GRIN2A: variants seen among roughly 807,000 people sequenced by gnomAD.
The protein encoded by GRIN2A is glutamate ionotropic receptor NMDA type subunit 2A.
In GRIN2A, 22 loss-of-function variants were observed where a neutral mutation model predicts 113.4. The observed-to-expected ratio is 0.19, with a 90% confidence interval of 0.14 to 0.28. The LOEUF (loss-of-function observed/expected upper bound fraction) is 0.28. Among genes scored for constraint, GRIN2A ranks in the 10% least tolerant of loss-of-function variants. The probability of loss-of-function intolerance (pLI) is 1.00; values close to 1 mark genes in which losing one functional copy is unlikely to be tolerated. For synonymous variants in GRIN2A, 827 were observed against 738.4 expected (o/e 1.12, Z -1.94); for missense variants, 1,502 against 1,887.0 (o/e 0.80, Z 3.78).
chr16:9,987,590 A>C (rs917455235), intron 2 of GRIN2A, among the ~76,000 whole-genome samples: 1 of 152,258 alleles, frequency 6.6e-6, no homozygotes, highest in African/African-American at 2.4e-5. Context: ...CCTTAAGCTA[A>C]GGAAATTAAA....
chr16:9,755,871 C>G lies in GRIN2A; in HGVS notation c.*7278G>C, dbSNP rs886052524. 4.9e-6 allele frequency: 1 copy of G among 203,918 alleles called. No individual in the cohort carries two copies. 12.6% of individuals were successfully genotyped at this position (203,918 alleles called of 1,614,324 possible). On this transcript the variant is annotated 3_prime_UTR_variant, in exon 13 of 13. Coordinates refer to ENST00000330684, the MANE Select transcript of GRIN2A (RefSeq NM_001134407.3). ...TTTGGAAAAGAAAAAAAAAAAGGAACAGACCAAGAAGGAAAACAACAACAA... is the reference window on the plus strand; with the variant it reads ...TTTGGAAAAGAAAAAAAAAAAGGAAGAGACCAAGAAGGAAAACAACAACAA...
At chr16:10,087,883 G>A (rs1287258257) in intron 2 of GRIN2A, among the ~76,000 whole-genome samples, 15 of 78,082 alleles carry the variant, frequency 1.9e-4, no homozygotes, top group Admixed American at 8.1e-4. Flanking sequence ...TTGAGACAGG[G>A]TTTCACCACG....
At chr16:9,898,420 T>G (rs929887490) in intron 3 of GRIN2A, among the ~76,000 whole-genome samples, 1 of 152,192 alleles carries the variant, frequency 6.6e-6, no homozygotes, top group African/African-American at 2.4e-5. Flanking sequence ...TTCCTCCAGA[T>G]TTCTATTTTA....
At chr16:9,915,130 G>T (rs1000576897) in intron 3 of GRIN2A, among the ~76,000 whole-genome samples, 87 of 150,850 alleles carry the variant, frequency 5.8e-4, no homozygotes, top group Admixed American at 1.4e-3. Context: ...TAGAGATGGG[G>T]TTTCACCATG....
At chr16:9,804,077 T>A (rs1421161180) in intron 10 of GRIN2A, among the ~76,000 whole-genome samples, 1 of 152,140 alleles carries the variant, frequency 6.6e-6, no homozygotes, top group Non-Finnish European at 1.5e-5. Flanking sequence ...GCCCCTAACA[T>A]AGTCTACTCC....
intron 3 of GRIN2A, among the ~76,000 whole-genome samples, chr16:9,918,330 G>A (rs2044292560): frequency 6.6e-6 from 1 of 152,192 alleles, no homozygotes; most frequent in African/African-American, 2.4e-5. Flanking sequence ...AACTGTGTAT[G>A]TATCATGTTT....
intron 2 of GRIN2A, among the ~76,000 whole-genome samples, chr16:10,041,888 C>A (rs2141961272): frequency 6.6e-6 from 1 of 152,302 alleles, no homozygotes; most frequent in Admixed American, 6.5e-5. Context: ...CTGCAGTCAC[C>A]CCCTGGTACT....
At chr16:9,773,140 T>A (rs1261938133) in intron 11 of GRIN2A, among the ~76,000 whole-genome samples, 3 of 152,214 alleles carry the variant, frequency 2.0e-5, no homozygotes, top group Admixed American at 1.3e-4. Context: ...GGTTTTGATA[T>A]TTTTCGTGGC....
chr16:9,965,033 T>A (rs968629070), intron 2 of GRIN2A, among the ~76,000 whole-genome samples: 1 of 152,186 alleles, frequency 6.6e-6, no homozygotes, highest in African/African-American at 2.4e-5. Flanking sequence ...CCAATAAGCA[T>A]GCAAATATAA....
At position 9,755,058 on chromosome 16, in the gene GRIN2A, A is replaced by C; in HGVS notation, c.*8091T>G. On this transcript the variant is annotated 3_prime_UTR_variant, in exon 13 of 13. Transcript: ENST00000330684. ...AAGGTGTGAAAGAGAATTAACTGGA[A>C]GAGGTCATGACCCAGGGCTAATGAA... The C allele has an allele frequency of 5.0e-6, 1 of 199,188 alleles. No individual in the cohort carries two copies. The highest frequency in any genetic ancestry group is 1.0e-5 in the Non-Finnish European group (1 of 96,398). The allele number at this position is 199,188 out of a possible 1,614,324, so 12.3% of individuals were successfully genotyped here.
intron 2 of GRIN2A, among the ~76,000 whole-genome samples, chr16:10,126,948 A>G (rs1370820066): frequency 6.6e-6 from 1 of 152,132 alleles, no homozygotes; most frequent in Non-Finnish European, 1.5e-5. Context: ...ACCTCACCAT[A>G]AACAAAGAGC....
intron 3 of GRIN2A, among the ~76,000 whole-genome samples, chr16:9,894,216 T>C (rs547314554): frequency 1.3e-5 from 2 of 152,236 alleles, no homozygotes; most frequent in South Asian, 4.2e-4. Context: ...GATGGTTATG[T>C]TATGTGCAGT....
rs141956850 is a variant in GRIN2A, at chr16:9,763,110, C to G, written c.*39G>C. 6.3e-7 allele frequency: 1 copy of G among 1,593,476 alleles called. No homozygotes were observed. The highest frequency in any genetic ancestry group is 8.6e-7 in the Non-Finnish European group (1 of 1,163,128). Reference sequence around the variant, plus strand: ...TTACCCTCCAGAACATTGGCCATTACGTATATTTCCCTATAGATAAAACAT... The same window carrying G: ...TTACCCTCCAGAACATTGGCCATTAGGTATATTTCCCTATAGATAAAACAT... On this transcript the variant is annotated 3_prime_UTR_variant, in exon 13 of 13. Coordinates refer to ENST00000330684, the MANE Select transcript of GRIN2A (RefSeq NM_001134407.3).
At chr16:10,168,579 T>C (rs375054413) in intron 2 of GRIN2A, among the ~76,000 whole-genome samples, 2 of 152,226 alleles carry the variant, frequency 1.3e-5, no homozygotes, top group African/African-American at 2.4e-5. Flanking sequence ...TATCCTGATA[T>C]AGCCTTCCTA....
chr16:9,968,953 A>G (rs896686373), intron 2 of GRIN2A, among the ~76,000 whole-genome samples: 3 of 152,240 alleles, frequency 2.0e-5, no homozygotes, highest in South Asian at 4.1e-4. Context: ...TGAAATTAAT[A>G]TTAATAATGT....
At chr16:9,920,002 T>C (rs574370261) in intron 3 of GRIN2A, among the ~76,000 whole-genome samples, 1 of 152,246 alleles carries the variant, frequency 6.6e-6, no homozygotes, top group African/African-American at 2.4e-5. Context: ...TCCATCCCTT[T>C]ACTCTCTGCT....
At chr16:9,940,018 G>C (rs1233423233) in intron 2 of GRIN2A, among the ~76,000 whole-genome samples, 1 of 124,214 alleles carries the variant, frequency 8.1e-6, no homozygotes. Flanking sequence ...GGATTCCACT[G>C]AGAGAGAGAG....
chr16:10,013,075 A>G (rs1429097230), intron 2 of GRIN2A, among the ~76,000 whole-genome samples: 3 of 152,178 alleles, frequency 2.0e-5, no homozygotes, highest in African/African-American at 7.2e-5. Flanking sequence ...GGGAGAGGAA[A>G]TAATCTGTAC....
At chr16:10,085,420 C>T (rs2142066565) in intron 2 of GRIN2A, among the ~76,000 whole-genome samples, 1 of 152,302 alleles carries the variant, frequency 6.6e-6, no homozygotes. Context: ...ATGCCATGTT[C>T]ATTTTGGGGT....
Sources: gnomAD v4.1 joint callset for allele counts (sites outside exome capture counted in the v4.1 genomes callset) on GRCh38, gnomAD v4.1.1 for gene constraint, MANE v1.5 for transcripts, NCBI Gene and HGNC (gene_info 2026-07-23, HGNC 2026-07-21) for gene names.